MYOM2: variants seen among roughly 807,000 people sequenced by gnomAD.
The protein encoded by MYOM2 is myomesin 2.
A neutral mutation model predicts 187.6 loss-of-function variants in MYOM2; 254 were observed. The ratio of observed to expected loss-of-function variants is 1.35; its 90% CI spans 1.22 to 1.50. The LOEUF is 1.50. Ranked by LOEUF, MYOM2 falls within the 40% of genes most tolerant of loss-of-function variation. MYOM2 has a pLI of 0.00. For synonymous variants in MYOM2, 981 were observed against 753.8 expected (o/e 1.30, Z -4.94); for missense variants, 2,796 against 1,924.0 (o/e 1.45, Z -8.48).
rs1445510561 is a variant in MYOM2, at chr8:2,086,316, G to A, written c.1644+926G>A. ...GATCTCCGCGTGGCCCCCCACAGTC[G>A]TGATCTCTGCGTGGCCCCCCACTGT... On this transcript the variant is annotated intron_variant, in intron 14 of 36. Transcript: ENST00000262113. Among the ~76,000 whole-genome samples the A allele has an allele frequency of 5.1e-3, 502 of 98,194 alleles. 155 individuals are homozygous for A. The highest frequency in any genetic ancestry group is 9.4e-3 in the Admixed American group (87 of 9,264). 64.4% of individuals were successfully genotyped at this position (98,194 alleles called of 152,430 possible). A position where few individuals can be genotyped will look rare whatever the true frequency, so the allele number is the denominator to read the frequency against.
intron 6 of MYOM2, among the ~76,000 whole-genome samples, chr8:2,066,534 A>G (rs980674720): frequency 6.6e-6 from 1 of 152,224 alleles, no homozygotes; most frequent in Admixed American, 6.5e-5. Flanking sequence ...TTTTGAAAAC[A>G]TAATGGTTTT....
chr8:2,063,751 T>A (rs1818923598), intron 6 of MYOM2, among the ~76,000 whole-genome samples: 1 of 152,242 alleles, frequency 6.6e-6, no homozygotes, highest in African/African-American at 2.4e-5. Flanking sequence ...CTTAACCTTA[T>A]GGCTGCCCAT....
intron 12 of MYOM2, among the ~76,000 whole-genome samples, chr8:2,079,148 T>A (rs143774927): frequency 6.4e-4 from 97 of 152,232 alleles, no homozygotes; most frequent in African/African-American, 2.0e-3. Context: ...TGAATGTGCC[T>A]CTCCTCCAGA....
At position 2,072,500 on chromosome 8, in the gene MYOM2, T is replaced by C; in HGVS notation, c.949T>C (p.Tyr317His). 6.2e-7 allele frequency: 1 copy of C among 1,613,264 alleles called. No individual in the cohort carries two copies. Residue 317 changes from tyrosine (Y) to histidine (H), a missense_variant, in exon 9 of 37, where the codon TAC (tyrosine) becomes CAC (histidine). By Grantham distance (83) the Tyr-to-His change is moderately conservative (BLOSUM62 2). Transcript: ENST00000262113. ...GCGGGTGCAGCCGCGCGCCGAGTGG[T>C]ACCGCGATGGTGAGTAGGACACGGC... ...LKRVQPRAEW[Y>H]RDDVLLKESK...
intron 1 of MYOM2, among the ~76,000 whole-genome samples, chr8:2,049,567 C>T (rs138512306): frequency 2.6e-5 from 4 of 152,284 alleles, no homozygotes; most frequent in African/African-American, 9.6e-5. Context: ...TACCCATGGC[C>T]CGGGATGTGG....
chr8:2,134,222 T>A (rs529654993), intron 32 of MYOM2, among the ~76,000 whole-genome samples: 5 of 151,970 alleles, frequency 3.3e-5, no homozygotes, highest in East Asian at 3.9e-4. Context: ...GCTCCTGGTT[T>A]CCCCCCTGTC....
rs1486498350 is a variant in MYOM2, at chr8:2,050,862, T to C, written c.96T>C (p.Tyr32=). The C allele has an allele frequency of 1.2e-6, 2 of 1,609,642 alleles. No individual in the cohort carries two copies. Among genetic ancestry groups the C allele is most frequent in the Non-Finnish European group, 1.7e-6 (2 of 1,176,166 alleles). ...NIQTRYLLDE[Y]ASKKRASTQA... ...AAACACGGTACCTGCTGGACGAATA[T>C]GCGTCAAAAAAGTAAGCTGACATTC... The change falls in exon 2 of 37, where the codon TAT becomes TAC. Residue 32 remains tyrosine (Y), a synonymous_variant. Transcript: ENST00000262113.
In MYOM2 at chr8:2,098,998, C is replaced by G. The variant is rs199688076; in HGVS notation, c.2440+15C>G. The G allele has an allele frequency of 6.6e-4, 1,050 of 1,592,782 alleles. 13 individuals are homozygous for G. The East Asian group carries it at 0.021, about 32-fold the overall frequency. On this transcript the variant is annotated intron_variant, in intron 19 of 36. Transcript: ENST00000262113. ...GCCGGAGCCCGGTGAGTCGCTGCCC[C>G]CAGGACACCCGCGTTCCAGCGCACA...
intron 35 of MYOM2, 81 bp downstream of exon 35, chr8:2,142,478 T>C: frequency 1.4e-6 from 2 of 1,397,918 alleles, no homozygotes; most frequent in Non-Finnish European, 2.0e-6. Flanking sequence ...AGGACCAACT[T>C]TGTGTATTAA....
At chr8:2,089,112 T>C (rs1796197632) in intron 14 of MYOM2, among the ~76,000 whole-genome samples, 1 of 45,626 alleles carries the variant, frequency 2.2e-5, no homozygotes, top group East Asian at 6.3e-4. Flanking sequence ...TGGGTTGCTA[T>C]CTGAATTTTC....
At chr8:2,102,465 G>A (rs545341818) in intron 20 of MYOM2, among the ~76,000 whole-genome samples, 4 of 147,152 alleles carry the variant, frequency 2.7e-5, no homozygotes, top group Non-Finnish European at 3.1e-5. Context: ...GATTGGGAGC[G>A]AATGCGTTTA....
chr8:2,086,658 G>T (rs1047294650), intron 14 of MYOM2, among the ~76,000 whole-genome samples: 1 of 152,396 alleles, frequency 6.6e-6, no homozygotes, highest in Admixed American at 6.5e-5. Context: ...GCACCAGGGG[G>T]CTGGGTTGCG....
chr8:2,084,998 A>G (rs1388526867), intron 13 of MYOM2: 4 of 430,796 alleles, frequency 9.3e-6, no homozygotes, highest in East Asian at 4.0e-5. Context: ...CCCTCTTCCA[A>G]CAGAATCTCT....
Position 2,050,673 on chromosome 8 carries a change from C to T in MYOM2, c.-12-82C>T, listed in dbSNP as rs1818452272. 9.3e-6 allele frequency: 7 copies of T among 755,522 alleles called. No individual in the cohort carries two copies. In the South Asian group the frequency reaches 1.0e-4, roughly 11 times the overall value. 46.8% of individuals were successfully genotyped at this position (755,522 alleles called of 1,614,324 possible). A position where few individuals can be genotyped will look rare whatever the true frequency, so the allele number is the denominator to read the frequency against. On this transcript the variant is annotated intron_variant, in intron 1 of 36. Coordinates refer to ENST00000262113, the MANE Select transcript of MYOM2 (RefSeq NM_003970.4). ...GGTTTTATTAACTGGAGTTCATTTT[C>T]CCCTTTGGAATGATGCAGAAATGGC...
chr8:2,056,823 G>T (rs1242957049), intron 3 of MYOM2, among the ~76,000 whole-genome samples: 1 of 152,184 alleles, frequency 6.6e-6, no homozygotes, highest in East Asian at 1.9e-4. Context: ...ACCTGGGAAA[G>T]CATCAAGCCG....
chr8:2,135,166 A>G (rs1268982496), intron 32 of MYOM2, among the ~76,000 whole-genome samples: 4 of 152,116 alleles, frequency 2.6e-5, no homozygotes, highest in Non-Finnish European at 5.9e-5. Context: ...CAGTCCTAGT[A>G]TTTACATCAA....
At chr8:2,077,145 A>T (rs565784240) in intron 11 of MYOM2, among the ~76,000 whole-genome samples, 1 of 152,108 alleles carries the variant, frequency 6.6e-6, no homozygotes, top group African/African-American at 2.4e-5. Context: ...CCCTGTCTCT[A>T]CTAAAAATAC....
At chr8:2,096,880 C>T (rs915607395) in intron 18 of MYOM2, among the ~76,000 whole-genome samples, 7 of 152,182 alleles carry the variant, frequency 4.6e-5, no homozygotes, top group Admixed American at 3.3e-4. Flanking sequence ...TTCAGGCCTC[C>T]CAGAGAGTCC....
intron 28 of MYOM2, among the ~76,000 whole-genome samples, chr8:2,121,373 C>T (rs1563069940): frequency 6.6e-6 from 1 of 152,114 alleles, no homozygotes; most frequent in African/African-American, 2.4e-5. Flanking sequence ...GTTCTGCTTT[C>T]CATGGGCTCT....
Sources: gnomAD v4.1 joint callset for allele counts (sites outside exome capture counted in the v4.1 genomes callset) on GRCh38, gnomAD v4.1.1 for gene constraint, MANE v1.5 for transcripts, NCBI Gene and HGNC (gene_info 2026-07-23, HGNC 2026-07-21) for gene names.